The following ARFGEF1 variants were observed in gnomAD, a reference collection of about 807,000 sequenced individuals.
ARFGEF1 encodes brefeldin A-inhibited guanine nucleotide-exchange protein 1.
In ARFGEF1, 42 loss-of-function variants were observed where a neutral mutation model predicts 231.0. The ratio of observed to expected loss-of-function variants is 0.18; its 90% confidence interval spans 0.14 to 0.24. ARFGEF1 has a LOEUF of 0.24. Among genes scored for constraint, ARFGEF1 ranks in the 10% least tolerant of loss-of-function variants. The probability of loss-of-function intolerance (pLI) is 1.00; values close to 1 mark genes in which losing one functional copy is unlikely to be tolerated. For missense variants in ARFGEF1, 1,345 were observed against 2,192.0 expected (o/e 0.61, Z 7.72); for synonymous variants, 710 against 732.3 (o/e 0.97, Z 0.49).
chr8:67,204,879 A>G (rs1276177874), intron 34 of ARFGEF1, 60 bp from the exon 35 acceptor site: 1 of 1,580,192 alleles, frequency 6.3e-7, no homozygotes, highest in Non-Finnish European at 8.6e-7. Context: ...ATCCTTTATA[A>G]TTTCCATGAT....
chr8:67,295,128 T>A (rs983720583), intron 5 of ARFGEF1, among the ~76,000 whole-genome samples: 2 of 151,768 alleles, frequency 1.3e-5, no homozygotes, highest in African/African-American at 4.8e-5. Context: ...ATAAATAAAT[T>A]AAGGGAGGAG....
At chr8:67,178,074 GGCATA>G (rs1170210456) in intron 5 of ARFGEF1, among the ~76,000 whole-genome samples, 2 of 152,236 alleles carry the variant, frequency 1.3e-5, no homozygotes, top group East Asian at 3.9e-4. Flanking sequence ...AGACAGGCCT[GGCATA>G]TAAGTTTTAT....
intron 19 of ARFGEF1, among the ~76,000 whole-genome samples, chr8:67,241,308 T>C (rs1839919402): frequency 6.6e-6 from 1 of 152,204 alleles, no homozygotes; most frequent in Non-Finnish European, 1.5e-5. Context: ...ATATTTGAAC[T>C]GCCACTACAG....
intron 19 of ARFGEF1, among the ~76,000 whole-genome samples, chr8:67,241,583 C>T (rs891698062): frequency 6.6e-6 from 1 of 152,050 alleles, no homozygotes; most frequent in African/African-American, 2.4e-5. Context: ...CATAACTGTA[C>T]GAACCTTTGT....
chr8:67,226,125 C>G lies in ARFGEF1; in HGVS notation c.3975G>C (p.Lys1325Asn), dbSNP rs1323027707. The G allele has an allele frequency of 2.5e-6, 4 of 1,613,024 alleles. No individual in the cohort carries two copies. Among genetic ancestry groups the G allele is most frequent in the African/African-American group, 1.3e-5 (1 of 74,888 alleles). Residue 1325 changes from lysine (K) to asparagine (N), a missense_variant, in exon 28 of 39, where the codon AAG becomes AAC. Physicochemically the swap from Lys to Asn is moderately conservative, Grantham distance 94. Transcript: ENST00000262215. ...ATIDSFQDAV[K>N]CLSEFACNAA... ...CATTGCACGCAAATTCAGACAAACA[C>G]TTCACTGCATCCTGGAAAGAATCAA...
intron 5 of ARFGEF1, chr8:67,175,640 T>C (rs549393576): frequency 4.1e-5 from 28 of 687,344 alleles, no homozygotes; most frequent in Non-Finnish European, 7.2e-5. Flanking sequence ...GGTGTATTCA[T>C]GCATGAGAGG....
chr8:67,277,264 C>T lies in ARFGEF1; in HGVS notation c.1203+18G>A. The T allele has an allele frequency of 6.2e-7, 1 of 1,611,414 alleles. No individual in the cohort carries two copies. The highest frequency in any genetic ancestry group is 8.5e-7 in the Non-Finnish European group (1 of 1,178,508). On this transcript the variant is annotated intron_variant, in intron 8 of 38. Transcript: ENST00000262215. The stretch of plus-strand genomic sequence containing the variant: ...AGATTAACAGGATTTCTCCCCCTCC[C>T]CACCCCTCCATTTATACCTGAGTAT...
chr8:67,268,253 C>CTTGT (rs1587172623), intron 10 of ARFGEF1, among the ~76,000 whole-genome samples: 2 of 152,262 alleles, frequency 1.3e-5, no homozygotes, highest in East Asian at 3.9e-4. Context: ...TTTCTATTTA[C>CTTGT]TTGTTTAATA....
chr8:67,244,266 A>AAC lies in ARFGEF1; in HGVS notation c.2851-3977_2851-3976insGT, dbSNP rs1840029552. On this transcript the variant is annotated intron_variant, in intron 19 of 38. Transcript: ENST00000262215. ...TCAAAAAAAAAAAAAAAAAAAAAAA[A>AAC]AACATTCGACTACTGAGTCTCTCGT... 1.2e-4 allele frequency among the ~76,000 whole-genome samples: 2 copies of AAC among 17,208 alleles called. 1 individual carries two copies. The highest frequency in any genetic ancestry group is 5.9e-4 in the African/African-American group (2 of 3,398). The allele number at this position is 17,208 out of a possible 152,430, so 11.3% of individuals were successfully genotyped here.
At chr8:67,190,737 A>C (rs1173151109) in intron 5 of ARFGEF1, 1 of 1,612,600 alleles carries the variant, frequency 6.2e-7, no homozygotes, top group African/African-American at 1.3e-5. Flanking sequence ...CGCAGGAGGA[A>C]CAAATGGAAA....
chr8:67,286,617 G>T, intron 7 of ARFGEF1, among the ~76,000 whole-genome samples: 1 of 152,160 alleles, frequency 6.6e-6, no homozygotes, highest in East Asian at 1.9e-4. Context: ...GCCGTAATGT[G>T]CCAACTCCTT....
intron 1 of ARFGEF1, among the ~76,000 whole-genome samples, chr8:67,321,562 G>A (rs142420264): frequency 2.0e-5 from 3 of 152,114 alleles, no homozygotes; most frequent in Non-Finnish European, 2.9e-5. Flanking sequence ...CCGGGTTCAC[G>A]CTATTCTCCT....
chr8:67,243,451 C>G (rs1359404495), intron 19 of ARFGEF1, among the ~76,000 whole-genome samples: 1 of 152,152 alleles, frequency 6.6e-6, no homozygotes, highest in Non-Finnish European at 1.5e-5. Flanking sequence ...ACCATCGGCT[C>G]TCATGAGACT....
intron 10 of ARFGEF1, among the ~76,000 whole-genome samples, chr8:67,271,053 A>G (rs1474606378): frequency 6.8e-6 from 1 of 147,610 alleles, no homozygotes; most frequent in African/African-American, 2.5e-5. Context: ...AGGAAAAAGA[A>G]AAAAAAAAAA....
chr8:67,211,278 A>G (rs569814061), intron 34 of ARFGEF1, among the ~76,000 whole-genome samples: 1 of 139,374 alleles, frequency 7.2e-6, no homozygotes, highest in African/African-American at 2.7e-5. Flanking sequence ...CGGGAGGCGG[A>G]GGTTGCAGTG....
intron 1 of ARFGEF1, among the ~76,000 whole-genome samples, chr8:67,305,085 T>C (rs1464022870): frequency 2.6e-5 from 4 of 152,188 alleles, no homozygotes; most frequent in Non-Finnish European, 5.9e-5. Flanking sequence ...ATACGCTAAC[T>C]AGGAATATCA....
chr8:67,195,118 C>A (rs1000508483), downstream of ARFGEF1, among the ~76,000 whole-genome samples: 2 of 152,072 alleles, frequency 1.3e-5, no homozygotes, highest in Admixed American at 6.6e-5. Context: ...GCTTAGAATC[C>A]CTCTGGTTGC....
At chr8:67,326,205 A>G (rs1353252374) in intron 1 of ARFGEF1, among the ~76,000 whole-genome samples, 2 of 152,206 alleles carry the variant, frequency 1.3e-5, no homozygotes, top group African/African-American at 4.8e-5. Flanking sequence ...CTCAAAAAAT[A>G]AAAAAAGAAA....
intron 32 of ARFGEF1, among the ~76,000 whole-genome samples, chr8:67,217,062 T>TG (rs1325250796): frequency 1.3e-5 from 2 of 151,892 alleles, no homozygotes; most frequent in African/African-American, 4.8e-5. Context: ...CCCAGCACTT[T>TG]GGGAGGCCAA....
Sources: allele counts gnomAD v4.1 joint callset (sites outside exome capture counted in the v4.1 genomes callset), GRCh38; gene constraint gnomAD v4.1.1; transcripts MANE v1.5; gene names NCBI Gene and HGNC (gene_info 2026-07-23, HGNC 2026-07-21).